RAB20: variants seen among roughly 807,000 people sequenced by gnomAD.
RAB20 encodes the protein ras-related protein Rab-20.
Under a neutral mutation model 3.7 loss-of-function variants are expected in RAB20, and 2 were observed. The ratio of observed to expected loss-of-function variants is 0.54; its 90% CI spans 0.22 to 1.69. The LOEUF (loss-of-function observed/expected upper bound fraction) is 1.69. RAB20 is among the 40% of genes most tolerant of loss of function. The pLI, the probability that RAB20 is intolerant of heterozygous loss-of-function variation, is 0.19. For missense variants in RAB20, 276 were observed against 311.9 expected (o/e 0.88, Z 0.87); for synonymous variants, 126 against 130.8 (o/e 0.96, Z 0.25).
rs760034120 is a variant in RAB20 at position 110,561,448 on chromosome 13, C to T, written c.72G>A (p.Arg24=). The part of the protein sequence containing the change: ...MNVGKTSLLQ[R]YMERRFPDTV... The stretch of plus-strand genomic sequence containing the variant: ...TGTCCGGGAAGCGCCGCTCCATATA[C>T]CGCTGCAGCAGCGACGTCTTCCCCA... The change falls in exon 1 of 2, where the codon CGG becomes CGA. Residue 24 remains arginine, a synonymous_variant. Transcript: ENST00000267328. The T allele has an allele frequency of 1.2e-6, 2 of 1,607,920 alleles. No individual in the cohort carries two copies. The highest frequency in any genetic ancestry group is 2.2e-5 in the South Asian group (2 of 90,886).
intron 1 of RAB20, among the ~76,000 whole-genome samples, chr13:110,552,973 C>T (rs949630267): frequency 3.3e-5 from 5 of 152,250 alleles, no homozygotes; most frequent in African/African-American, 1.2e-4. Flanking sequence ...GGCCACTGTG[C>T]TCTGCAATCT....
At chr13:110,552,977 G>A (rs957178796) in intron 1 of RAB20, among the ~76,000 whole-genome samples, 4 of 152,216 alleles carry the variant, frequency 2.6e-5, no homozygotes, top group South Asian at 2.1e-4. Flanking sequence ...ACTGTGCTCT[G>A]CAATCTCCGA....
chr13:110,536,764 ACTT>A (rs1884648855), intron 1 of RAB20, among the ~76,000 whole-genome samples: 1 of 25,698 alleles, frequency 3.9e-5, no homozygotes, highest in South Asian at 1.8e-3. Context: ...TTTTACTTGT[ACTT>A]TTTTTTTTAA....
Position 110,523,356 on chromosome 13 carries a change from C to A in RAB20, c.*309G>T, listed in dbSNP as rs768775264. The A allele has an allele frequency of 1.3e-5, 7 of 527,406 alleles. No individual in the cohort carries two copies. Among genetic ancestry groups the A allele is most frequent in the Non-Finnish European group, 2.3e-5 (7 of 307,018 alleles). 32.7% of individuals were successfully genotyped at this position (527,406 alleles called of 1,614,324 possible). ...TCTGCCTCTGCAAGGGCAAGGGGGCCGTTGGTGGCTGGCTGCAAAGGACCA... is the reference window on the plus strand; with the variant it reads ...TCTGCCTCTGCAAGGGCAAGGGGGCAGTTGGTGGCTGGCTGCAAAGGACCA... On this transcript the variant is annotated 3_prime_UTR_variant, in exon 2 of 2. Transcript: ENST00000267328.
intron 1 of RAB20, among the ~76,000 whole-genome samples, chr13:110,558,378 C>T (rs1303716850): frequency 9.9e-6 from 1 of 101,422 alleles, no homozygotes; most frequent in Non-Finnish European, 2.1e-5. Context: ...GCTGTCTTCC[C>T]ACTTTTTTTT....
At position 110,555,848 on chromosome 13, in the gene RAB20, C is replaced by T. The variant is rs547178739; in HGVS notation, c.172+5500G>A. ...TGCCCCCAGCCTTCCCTCCTCTCGC[C>T]GTGGCCTCCCCATTTATTAGAGACT... On this transcript the variant is annotated intron_variant, in intron 1 of 1. Coordinates refer to ENST00000267328, the MANE Select transcript of RAB20 (RefSeq NM_017817.3). The surrounding 1 kb of genome is among the most constrained non-coding windows in gnomAD (Gnocchi z 4.0). Among the ~76,000 whole-genome samples, 1 of 152,326 alleles carries T rather than the reference C, an allele frequency of 6.6e-6. No individual in the cohort carries two copies. The highest frequency in any genetic ancestry group is 1.9e-4 in the East Asian group (1 of 5,188).
At chr13:110,531,861 G>A (rs998210073) in intron 1 of RAB20, among the ~76,000 whole-genome samples, 1 of 152,118 alleles carries the variant, frequency 6.6e-6, no homozygotes, top group Admixed American at 6.5e-5. Context: ...CAGATCAGTG[G>A]AGCTGACATG....
chr13:110,561,587 C>A lies in RAB20; in HGVS notation c.-68G>T. ...GGCTGGCCGGCTCGTGCGCCCTGGGCGCAGCTGGAGGAGCGGACCCCGGAC... is the reference window on the plus strand; with the variant it reads ...GGCTGGCCGGCTCGTGCGCCCTGGGAGCAGCTGGAGGAGCGGACCCCGGAC... On this transcript the variant is annotated 5_prime_UTR_variant, in exon 1 of 2. Coordinates refer to ENST00000267328, the MANE Select transcript of RAB20 (RefSeq NM_017817.3). The A allele has an allele frequency of 1.3e-6, 2 of 1,496,830 alleles. No individual in the cohort carries two copies. Among genetic ancestry groups the A allele is most frequent in the Middle Eastern group, 1.8e-4 (1 of 5,440 alleles). The allele number at this position is 1,496,830 out of a possible 1,614,324, so 92.7% of individuals were successfully genotyped here.
At chr13:110,544,115 G>A (rs756579936) in intron 1 of RAB20, among the ~76,000 whole-genome samples, 1 of 152,104 alleles carries the variant, frequency 6.6e-6, no homozygotes, top group Non-Finnish European at 1.5e-5. Context: ...TGTGCATATG[G>A]ATATCCAGTT....
intron 1 of RAB20, among the ~76,000 whole-genome samples, chr13:110,536,500 G>A (rs1884641369): frequency 6.6e-6 from 1 of 152,166 alleles, no homozygotes; most frequent in Non-Finnish European, 1.5e-5. Flanking sequence ...CTCTCCCCGA[G>A]GAAAGCCGGG....
intron 1 of RAB20, among the ~76,000 whole-genome samples, chr13:110,557,566 G>A (rs1041856473): frequency 2.6e-5 from 4 of 152,216 alleles, no homozygotes; most frequent in South Asian, 2.1e-4. Context: ...TCATCTTTGC[G>A]GTGGCCACTA....
intron 1 of RAB20, among the ~76,000 whole-genome samples, chr13:110,527,914 CACACACA>C (rs1171799309): frequency 6.8e-6 from 1 of 146,546 alleles, no homozygotes. Context: ...CACACACACA[CACACACA>C]CACACACACA....
intron 1 of RAB20, among the ~76,000 whole-genome samples, chr13:110,558,187 C>A (rs938026198): frequency 6.6e-6 from 1 of 152,192 alleles, no homozygotes; most frequent in Non-Finnish European, 1.5e-5. Context: ...TAGGGCTCTG[C>A]CTCCTCGCTG....
At chr13:110,548,634 G>T (rs1036753019) in intron 1 of RAB20, among the ~76,000 whole-genome samples, 9 of 152,016 alleles carry the variant, frequency 5.9e-5, no homozygotes, top group African/African-American at 1.9e-4. Flanking sequence ...TTTTTATGCG[G>T]GGTCTGTCGG....
intron 1 of RAB20, among the ~76,000 whole-genome samples, chr13:110,557,829 T>G (rs1198938253): frequency 6.6e-6 from 1 of 152,216 alleles, no homozygotes; most frequent in African/African-American, 2.4e-5. Flanking sequence ...GGCCACGGCC[T>G]TTAGAAGGGA....
At position 110,538,297 on chromosome 13, in the gene RAB20, T is replaced by C. The variant is rs183318364; in HGVS notation, c.173-14100A>G. On this transcript the variant is annotated intron_variant, in intron 1 of 1. Transcript: ENST00000267328. The stretch of plus-strand genomic sequence containing the variant: ...AAGAAAAGAAAAAGAAAAAAGACTA[T>C]TGGTATTTCCTAATCTAAAAGAAAT... Among the ~76,000 whole-genome samples the C allele has an allele frequency of 5.4e-5, 8 of 148,600 alleles. No individual in the cohort carries two copies. The East Asian group carries it at 1.4e-3, about 26-fold the overall frequency.
At chr13:110,557,604 C>A (rs922299554) in intron 1 of RAB20, among the ~76,000 whole-genome samples, 1 of 152,256 alleles carries the variant, frequency 6.6e-6, no homozygotes. Context: ...TGGCTTCAGG[C>A]TCCCACAGAC....
chr13:110,543,774 ATT>A (rs60203869), intron 1 of RAB20, among the ~76,000 whole-genome samples: 76 of 74,332 alleles, frequency 1.0e-3, no homozygotes, highest in African/African-American at 3.0e-3. Context: ...AATGTGGGTT[ATT>A]TTTTTTTTTT....
chr13:110,541,671 C>T (rs758709339), intron 1 of RAB20, among the ~76,000 whole-genome samples: 54 of 152,120 alleles, frequency 3.5e-4, no homozygotes, highest in Non-Finnish European at 3.4e-4. Flanking sequence ...GGGCCAGAGC[C>T]CTTCGCCTGC....
Sources: allele counts gnomAD v4.1 joint callset (sites outside exome capture counted in the v4.1 genomes callset), GRCh38; gene constraint gnomAD v4.1.1; non-coding constraint Gnocchi (gnomAD v3.1); transcripts MANE v1.5; gene names NCBI Gene and HGNC (gene_info 2026-07-23, HGNC 2026-07-21).